PTPN13: variants seen among roughly 807,000 people sequenced by gnomAD.
PTPN13 encodes tyrosine-protein phosphatase non-receptor type 13.
In PTPN13, 191 loss-of-function variants were observed where a neutral mutation model predicts 284.0. The observed-to-expected ratio is 0.67, with a 90% CI of 0.60 to 0.76. The LOEUF (loss-of-function observed/expected upper bound fraction) is 0.76. PTPN13 is among the 30% of genes least tolerant of loss of function. PTPN13 has a pLI of 0.00. For synonymous variants in PTPN13, 986 were observed against 1,022.3 expected (o/e 0.96, Z 0.68); for missense variants, 2,797 against 2,939.9 (o/e 0.95, Z 1.12).
intron 40 of PTPN13, among the ~76,000 whole-genome samples, chr4:86,796,599 C>T (rs1374748986): frequency 6.6e-6 from 1 of 152,142 alleles, no homozygotes; most frequent in African/African-American, 2.4e-5. Flanking sequence ...CATGATTGTA[C>T]CACTGGACTC....
chr4:86,616,993 T>A (rs1436346121), intron 1 of PTPN13, among the ~76,000 whole-genome samples: 7 of 151,526 alleles, frequency 4.6e-5, no homozygotes, highest in Non-Finnish European at 2.9e-5. Context: ...GAAAAAATCT[T>A]GTAGGGAGCT....
intron 26 of PTPN13, 148 bp downstream of exon 26, chr4:86,765,636 G>T: frequency 3.5e-6 from 2 of 565,762 alleles, no homozygotes; most frequent in South Asian, 3.4e-5. Context: ...GAAACTCTTT[G>T]ATGCCATTTC....
intron 17 of PTPN13, among the ~76,000 whole-genome samples, chr4:86,745,528 G>C (rs1377610896): frequency 6.6e-6 from 1 of 152,112 alleles, no homozygotes; most frequent in East Asian, 1.9e-4. Context: ...TGTAATCCTA[G>C]CACTTTGGGA....
At chr4:86,617,922 T>G (rs550019182) in intron 1 of PTPN13, among the ~76,000 whole-genome samples, 13 of 151,356 alleles carry the variant, frequency 8.6e-5, no homozygotes, top group South Asian at 6.2e-4. Context: ...AGAAGCTCTT[T>G]AGTTTAATTA....
intron 17 of PTPN13, among the ~76,000 whole-genome samples, chr4:86,749,282 T>TTCC (rs548448683): frequency 2.6e-5 from 4 of 151,874 alleles, no homozygotes; most frequent in Admixed American, 2.6e-4. Flanking sequence ...CTGTCTCCTC[T>TTCC]TCCTCCTCCT....
chr4:86,781,370 T>C (rs1272967846), intron 36 of PTPN13, among the ~76,000 whole-genome samples: 1 of 152,210 alleles, frequency 6.6e-6, no homozygotes, highest in Non-Finnish European at 1.5e-5. Flanking sequence ...ATGTTTTAGC[T>C]GTAAGTGAAA....
chr4:86,753,672 G>A (rs1241700103), intron 20 of PTPN13, among the ~76,000 whole-genome samples: 1 of 152,068 alleles, frequency 6.6e-6, no homozygotes, highest in East Asian at 1.9e-4. Context: ...GAAATGTCCA[G>A]TGACTTGAAC....
intron 2 of PTPN13, among the ~76,000 whole-genome samples, chr4:86,641,579 A>G (rs543143583): frequency 5.1e-4 from 78 of 152,338 alleles, no homozygotes; most frequent in African/African-American, 1.8e-3. Flanking sequence ...ATATCTAAGC[A>G]TGGCCTTGTT....
chr4:86,690,710 G>A (rs1410969923), intron 5 of PTPN13, among the ~76,000 whole-genome samples: 3 of 151,944 alleles, frequency 2.0e-5, no homozygotes, highest in Non-Finnish European at 4.4e-5. Flanking sequence ...GTAAAATTGT[G>A]AGAGATATTT....
At chr4:86,639,440 A>G (rs1472266051) in intron 2 of PTPN13, among the ~76,000 whole-genome samples, 3 of 152,198 alleles carry the variant, frequency 2.0e-5, no homozygotes, top group African/African-American at 4.8e-5. Context: ...ATGTCCAACA[A>G]TGATAGACTG....
chr4:86,701,690 A>G lies in PTPN13; in HGVS notation c.1084A>G (p.Ile362Val), dbSNP rs972974271. Reference sequence around the variant, plus strand: ...CTTTGGCCCTCAGAAAATGGATCCAATATATCACACTCGAGAATTGCCCAC... The same window carrying G: ...CTTTGGCCCTCAGAAAATGGATCCAGTATATCACACTCGAGAATTGCCCAC... ...DIFGPQKMDP[I>V]YHTRELPTSS... is the part of the protein sequence containing the mutation. The change falls in exon 7 of 48, where the codon ATA (isoleucine) becomes GTA (valine). Residue 362 changes from isoleucine to valine, a missense_variant. Coordinates refer to ENST00000411767, the MANE Select transcript of PTPN13 (RefSeq NM_080683.3). 2 of 1,613,948 alleles carry G rather than the reference A, an allele frequency of 1.2e-6. No individual in the cohort carries two copies.
At chr4:86,715,477 A>G (rs1018376421) in intron 7 of PTPN13, among the ~76,000 whole-genome samples, 1 of 152,166 alleles carries the variant, frequency 6.6e-6, no homozygotes, top group African/African-American at 2.4e-5. Flanking sequence ...TTCTAGTCCC[A>G]GCTACTTGGG....
At chr4:86,710,870 T>G (rs956195428) in intron 7 of PTPN13, among the ~76,000 whole-genome samples, 3 of 152,144 alleles carry the variant, frequency 2.0e-5, no homozygotes, top group African/African-American at 7.2e-5. Flanking sequence ...AAAGGACATC[T>G]TCTAATGATT....
intron 9 of PTPN13, among the ~76,000 whole-genome samples, chr4:86,718,159 T>G (rs1205433449): frequency 6.6e-6 from 1 of 152,204 alleles, no homozygotes; most frequent in Non-Finnish European, 1.5e-5. Context: ...ATTTCAAATT[T>G]GTAATATATT....
chr4:86,751,266 G>A, intron 19 of PTPN13, 142 bp downstream of exon 19: 2 of 639,750 alleles, frequency 3.1e-6, no homozygotes, highest in Non-Finnish European at 5.5e-6. Context: ...TACTTAAAAT[G>A]CACCAAATCA....
intron 23 of PTPN13, 119 bp downstream of exon 23, chr4:86,759,192 T>TG (rs1565502057): frequency 6.1e-6 from 6 of 988,532 alleles, no homozygotes; most frequent in Non-Finnish European, 7.3e-6. Flanking sequence ...TTAAGTAAAC[T>TG]GTGATTACTT....
intron 3 of PTPN13, among the ~76,000 whole-genome samples, chr4:86,673,311 A>G (rs913970798): frequency 6.6e-6 from 1 of 152,228 alleles, no homozygotes; most frequent in African/African-American, 2.4e-5. Flanking sequence ...ATGATATCAC[A>G]GAGAAGAGGT....
intron 3 of PTPN13, among the ~76,000 whole-genome samples, chr4:86,680,705 C>T (rs574694385): frequency 2.0e-5 from 3 of 152,164 alleles, no homozygotes; most frequent in Non-Finnish European, 4.4e-5. Flanking sequence ...AGTACAGATT[C>T]CTTAACCAAA....
chr4:86,763,894 G>A (rs1449013146), intron 24 of PTPN13, among the ~76,000 whole-genome samples: 1 of 152,148 alleles, frequency 6.6e-6, no homozygotes, highest in East Asian at 1.9e-4. Flanking sequence ...AGGAGGAAGG[G>A]AGGGAGAGAG....
Sources: allele counts gnomAD v4.1 joint callset (sites outside exome capture counted in the v4.1 genomes callset), GRCh38; gene constraint gnomAD v4.1.1; transcripts MANE v1.5; gene names NCBI Gene and HGNC (gene_info 2026-07-23, HGNC 2026-07-21).